The following TMEM252 variants were observed in gnomAD, a reference collection of about 807,000 sequenced individuals.
TMEM252 encodes the protein transmembrane protein C9orf71.
In TMEM252, 4 loss-of-function variants were observed where a neutral mutation model predicts 6.4. That is an observed-to-expected ratio of 0.62 (90% CI 0.31 to 1.43). The LOEUF (loss-of-function observed/expected upper bound fraction) is 1.43. Among genes scored for constraint, TMEM252 ranks in the 40% most tolerant of loss-of-function variants. The probability of loss-of-function intolerance (pLI) is 0.07; values close to 1 mark genes in which losing one functional copy is unlikely to be tolerated. For missense variants in TMEM252, 207 were observed against 209.4 expected (o/e 0.99, Z 0.07); for synonymous variants, 85 against 82.5 (o/e 1.03, Z -0.17).
chr9:68,540,489 C>G, intron 1 of TMEM252, 48 bp downstream of exon 1: 1 of 1,605,484 alleles, frequency 6.2e-7, no homozygotes, highest in Non-Finnish European at 8.5e-7. Flanking sequence ...TCTTACACAA[C>G]TCAGCCCATC....
At position 68,537,315 on chromosome 9, in the gene TMEM252, C is replaced by A. The variant is rs754882905; in HGVS notation, c.457G>T (p.Gly153Cys). 2 of 1,597,822 alleles carry A rather than the reference C, an allele frequency of 1.3e-6. No individual in the cohort carries two copies. The highest frequency in any genetic ancestry group is 2.3e-5 in the East Asian group (1 of 44,390). ...TCTGAGATTGCTGTCACCACCAGGC[C>A]GGCTATGGACTCTCTATAAGATGGT... ...APPSYRESIA[G>C]LVVTAISEDA... The change falls in exon 2 of 2, where the codon GGC becomes TGC. Residue 153 changes from glycine to cysteine, a missense_variant. Transcript: ENST00000377311.
At chr9:68,539,461 C>T (rs1317221175) in intron 1 of TMEM252, among the ~76,000 whole-genome samples, 1 of 152,200 alleles carries the variant, frequency 6.6e-6, no homozygotes, top group Non-Finnish European at 1.5e-5. Context: ...TCTCTCCTTC[C>T]ACCAGCCCCT....
chr9:68,538,905 C>T (rs111626450), intron 1 of TMEM252, among the ~76,000 whole-genome samples: 33 of 152,328 alleles, frequency 2.2e-4, no homozygotes, highest in African/African-American at 7.2e-4. Flanking sequence ...CAGAAATTCA[C>T]ACTCTAGAGG....
Position 68,540,866 on chromosome 9 carries a change from T to C in TMEM252, c.-52A>G. The C allele has an allele frequency of 6.4e-7, 1 of 1,569,448 alleles. No individual in the cohort carries two copies. On this transcript the variant is annotated 5_prime_UTR_variant, in exon 1 of 2. Transcript: ENST00000377311. ...TGACCCTGCTGCTCCTCTGCTTCCC[T>C]GCTTGCTCCAAGAGAATGAGCTCAT...
chr9:68,536,981 A>G lies in TMEM252; in HGVS notation c.*278T>C. On this transcript the variant is annotated 3_prime_UTR_variant, in exon 2 of 2. Coordinates refer to ENST00000377311, the MANE Select transcript of TMEM252 (RefSeq NM_153237.2). ...GAATCTCTGTAAGCAGAGCTCTCAG[A>G]GTGACACCTTTGGGGACCCAAGGCC... 2 of 381,880 alleles carry G rather than the reference A, an allele frequency of 5.2e-6. No individual in the cohort carries two copies. The highest frequency in any genetic ancestry group is 5.1e-5 in the Admixed American group (1 of 19,596). The allele number at this position is 381,880 out of a possible 1,614,324, so 23.7% of individuals were successfully genotyped here. A position where few individuals can be genotyped will look rare whatever the true frequency, so the allele number is the denominator to read the frequency against.
At position 68,537,237 on chromosome 9, in the gene TMEM252, G is replaced by T. The variant is rs373137990; in HGVS notation, c.*22C>A. The T allele has an allele frequency of 1.3e-4, 207 of 1,594,344 alleles. No individual in the cohort carries two copies. Among genetic ancestry groups the T allele is most frequent in the Non-Finnish European group, 1.7e-4 (200 of 1,170,166 alleles). On this transcript the variant is annotated 3_prime_UTR_variant, in exon 2 of 2. Transcript: ENST00000377311. ...GCTCCCCACAGTGGTGGCATCATGA[G>T]TGCTGGAGAGCTTTCTCTGCCTCAG...
intron 1 of TMEM252, among the ~76,000 whole-genome samples, chr9:68,538,388 A>G (rs1238328000): frequency 6.6e-6 from 1 of 152,234 alleles, no homozygotes; most frequent in Non-Finnish European, 1.5e-5. Flanking sequence ...TCCAAATGTT[A>G]CCAGGCCCAA....
At position 68,537,214 on chromosome 9, in the gene TMEM252, TC is replaced by T; in HGVS notation, c.*44del. On this transcript the variant is annotated 3_prime_UTR_variant, in exon 2 of 2. Transcript: ENST00000377311. ...GTTTGCCTTTATTATCAGTAGCTGC[TC>T]CCCACAGTGGTGGCATCATGAGTGC... The T allele has an allele frequency of 6.5e-7, 1 of 1,539,850 alleles. No individual in the cohort carries two copies. Among genetic ancestry groups the T allele is most frequent in the Non-Finnish European group, 8.9e-7 (1 of 1,127,460 alleles).
intron 1 of TMEM252, among the ~76,000 whole-genome samples, chr9:68,540,297 T>TG (rs1825187827): frequency 9.2e-5 from 14 of 152,216 alleles, no homozygotes; most frequent in Admixed American, 9.2e-4. Flanking sequence ...GGGTTTTCAC[T>TG]GGGGGTGGTG....
In TMEM252 at chr9:68,540,599, C is replaced by T. The variant is rs1207674621; in HGVS notation, c.216G>A (p.Val72=). The change falls in exon 1 of 2, where the codon GTG becomes GTA. Residue 72 remains valine, a synonymous_variant. Transcript: ENST00000377311. ...GGTGTTGTCGGAGCATGTGCCTCAACACTCCTTTGCTTTCAGTCACCTGGC... is the reference window on the plus strand; with the variant it reads ...GGTGTTGTCGGAGCATGTGCCTCAATACTCCTTTGCTTTCAGTCACCTGGC... The part of the protein sequence containing the change: ...NYRQVTESKG[V]LRHMLRQHLA... 1.2e-6 allele frequency: 2 copies of T among 1,614,102 alleles called. No individual in the cohort carries two copies. The highest frequency in any genetic ancestry group is 1.7e-6 in the Non-Finnish European group (2 of 1,180,038).
At position 68,536,908 on chromosome 9, in the gene TMEM252, C is replaced by T; in HGVS notation, c.*351G>A. On this transcript the variant is annotated 3_prime_UTR_variant, in exon 2 of 2. Transcript: ENST00000377311. The stretch of plus-strand genomic sequence containing the variant: ...TCCTGACAACCAGCATCTATTCCTC[C>T]CTGGCTGGAGTTGAGGTGATGGGAG... The T allele has an allele frequency of 4.4e-6, 1 of 227,410 alleles. No individual in the cohort carries two copies. Among genetic ancestry groups the T allele is most frequent in the Non-Finnish European group, 8.5e-6 (1 of 117,626 alleles). The allele number at this position is 227,410 out of a possible 1,614,324, so 14.1% of individuals were successfully genotyped here.
intron 1 of TMEM252, among the ~76,000 whole-genome samples, chr9:68,540,109 C>T (rs1044018402): frequency 2.0e-5 from 3 of 152,180 alleles, no homozygotes; most frequent in African/African-American, 7.2e-5. Context: ...CACAGAGATT[C>T]CAGGACTCAT....
chr9:68,538,369 C>G (rs1825166194), intron 1 of TMEM252, among the ~76,000 whole-genome samples: 1 of 152,236 alleles, frequency 6.6e-6, no homozygotes, highest in African/African-American at 2.4e-5. Context: ...TTTGTAGCCA[C>G]AACTCCATTC....
Position 68,537,288 on chromosome 9 carries a change from C to T in TMEM252, c.484G>A (p.Asp162Asn). 6.2e-7 allele frequency: 1 copy of T among 1,601,840 alleles called. No individual in the cohort carries two copies. The highest frequency in any genetic ancestry group is 1.1e-5 in the South Asian group (1 of 88,706). ...CACTCTTGGCCTCGCCTCTGGGCGTCCTCTGAGATTGCTGTCACCACCAGG... is the reference window on the plus strand; with the variant it reads ...CACTCTTGGCCTCGCCTCTGGGCGTTCTCTGAGATTGCTGTCACCACCAGG... ...AGLVVTAISE[D>N]AQRRGQEC Residue 162 changes from aspartate (D) to asparagine (N), a missense_variant, in exon 2 of 2, where the codon GAC becomes AAC. By Grantham distance (23) the Asp-to-Asn change is conservative. Transcript: ENST00000377311.
Position 68,540,596 on chromosome 9 carries a change from C to T in TMEM252, c.219G>A (p.Leu73=). 1 of 1,614,210 alleles carries T rather than the reference C, an allele frequency of 6.2e-7. No individual in the cohort carries two copies. The highest frequency in any genetic ancestry group is 8.5e-7 in the Non-Finnish European group (1 of 1,180,030). Reference sequence around the variant, plus strand: ...CAAGGTGTTGTCGGAGCATGTGCCTCAACACTCCTTTGCTTTCAGTCACCT... The same window carrying T: ...CAAGGTGTTGTCGGAGCATGTGCCTTAACACTCCTTTGCTTTCAGTCACCT... ...YRQVTESKGV[L]RHMLRQHLAH... The change falls in exon 1 of 2, where the codon TTG becomes TTA. Residue 73 remains leucine (L), a synonymous_variant. Coordinates refer to ENST00000377311, the MANE Select transcript of TMEM252 (RefSeq NM_153237.2).
rs1178449719 is a variant in TMEM252 at position 68,537,088 on chromosome 9, T to C, written c.*171A>G. On this transcript the variant is annotated 3_prime_UTR_variant, in exon 2 of 2. Coordinates refer to ENST00000377311, the MANE Select transcript of TMEM252 (RefSeq NM_153237.2). ...CCCTTCCAGGGCCCCTGGCCTGCCC[T>C]GCCCTGGCATGGCCAGTTATGTCTG... is the stretch of plus-strand genomic sequence containing the variant. 1.7e-6 allele frequency: 1 copy of C among 604,172 alleles called. No individual in the cohort carries two copies. Among genetic ancestry groups the C allele is most frequent in the Non-Finnish European group, 2.8e-6 (1 of 358,124 alleles). The allele number at this position is 604,172 out of a possible 1,614,324, so 37.4% of individuals were successfully genotyped here.
intron 1 of TMEM252, among the ~76,000 whole-genome samples, chr9:68,538,693 G>A (rs1442062096): frequency 6.6e-6 from 1 of 152,168 alleles, no homozygotes; most frequent in African/African-American, 2.4e-5. Flanking sequence ...GAGTGCAAAT[G>A]CTTTGGAGAA....
Position 68,537,310 on chromosome 9 carries a change from C to T in TMEM252, c.462G>A (p.Leu154=). The part of the protein sequence containing the change: ...PPSYRESIAG[L]VVTAISEDAQ... ...CGTCCTCTGAGATTGCTGTCACCACCAGGCCGGCTATGGACTCTCTATAAG... is the reference window on the plus strand; with the variant it reads ...CGTCCTCTGAGATTGCTGTCACCACTAGGCCGGCTATGGACTCTCTATAAG... The change falls in exon 2 of 2, where the codon CTG becomes CTA. Residue 154 remains leucine (L), a synonymous_variant. Coordinates refer to ENST00000377311, the MANE Select transcript of TMEM252 (RefSeq NM_153237.2). The T allele has an allele frequency of 6.3e-7, 1 of 1,599,592 alleles. No homozygotes were observed. Among genetic ancestry groups the T allele is most frequent in the Non-Finnish European group, 8.5e-7 (1 of 1,175,718 alleles).
At chr9:68,537,543 C>T (rs371877376) in intron 1 of TMEM252, 50 bp from the exon 2 acceptor site, 7 of 1,459,820 alleles carry the variant, frequency 4.8e-6, no homozygotes, top group Non-Finnish European at 5.6e-6. Flanking sequence ...GGCATTAATG[C>T]CAAAGAGGCA....
Sources: gnomAD v4.1 joint callset for allele counts (sites outside exome capture counted in the v4.1 genomes callset) on GRCh38, gnomAD v4.1.1 for gene constraint, MANE v1.5 for transcripts, NCBI Gene and HGNC (gene_info 2026-07-23, HGNC 2026-07-21) for gene names.